The following CENPN variants were observed in gnomAD, a reference collection of about 807,000 sequenced individuals.
CENPN encodes the protein centromere protein N.
A neutral mutation model predicts 48.6 loss-of-function variants in CENPN; 36 were observed. The observed-to-expected ratio is 0.74, with a 90% CI of 0.57 to 0.98. The LOEUF (loss-of-function observed/expected upper bound fraction) is 0.98, where lower values mean the gene tolerates loss of function less well. Ranked by LOEUF, CENPN falls within the 50% of genes least tolerant of loss-of-function variation. The pLI is 0.00. For missense variants in CENPN, 439 were observed against 399.2 expected, an observed-to-expected ratio of 1.10 and a Z score of -0.85; for synonymous variants, 166 against 135.2, an observed-to-expected ratio of 1.23 and a Z score of -1.58.
At chr16:81,027,047 C>T (rs56333013) in intron 9 of CENPN, among the ~76,000 whole-genome samples, 5,403 of 152,116 alleles carry the variant, frequency 0.036, 322 homozygotes, top group African/African-American at 0.12. Context: ...TCCACCTTGC[C>T]TCGGCCTCCC....
chr16:81,028,406 G>A, intron 10 of CENPN, 109 bp downstream of exon 10: 1 of 1,489,196 alleles, frequency 6.7e-7, no homozygotes, highest in Non-Finnish European at 9.2e-7. Flanking sequence ...TAGTCTGCTA[G>A]CCCATCCTGC....
In CENPN at chr16:81,028,916, G is replaced by C. The variant is rs1970641435; in HGVS notation, c.*265G>C. 2 of 1,120,492 alleles carry C rather than the reference G, an allele frequency of 1.8e-6. No homozygotes were observed. The highest frequency in any genetic ancestry group is 4.8e-5 in the Admixed American group (1 of 20,766). The allele number at this position is 1,120,492 out of a possible 1,614,324, so 69.4% of individuals were successfully genotyped here. On this transcript the variant is annotated 3_prime_UTR_variant, in exon 11 of 11. Coordinates refer to ENST00000305850, the MANE Select transcript of CENPN (RefSeq NM_001100624.3). The stretch of plus-strand genomic sequence containing the variant: ...TATATGGCCCCACACTTGACCTTGA[G>C]TGCCTGAATGCTCTGAAATCAAGCA...
intron 1 of CENPN, among the ~76,000 whole-genome samples, chr16:81,008,588 T>C (rs1969591138): frequency 6.6e-6 from 1 of 152,148 alleles, no homozygotes; most frequent in African/African-American, 2.4e-5. Context: ...GCCTGGGTGG[T>C]CTTGAACGAC....
At chr16:81,025,949 C>T (rs1047703131) in intron 8 of CENPN, among the ~76,000 whole-genome samples, 10 of 150,860 alleles carry the variant, frequency 6.6e-5, no homozygotes, top group African/African-American at 2.2e-4. Context: ...GTGATCCTCC[C>T]GCCTCAGCCT....
chr16:81,014,691 T>C (rs1169117283), intron 3 of CENPN, among the ~76,000 whole-genome samples: 1 of 152,152 alleles, frequency 6.6e-6, no homozygotes, highest in Non-Finnish European at 1.5e-5. Flanking sequence ...GTATTCTTGT[T>C]AGGATTAAAT....
At chr16:81,010,122 C>T (rs1969680328) in intron 1 of CENPN, among the ~76,000 whole-genome samples, 1 of 152,150 alleles carries the variant, frequency 6.6e-6, no homozygotes, top group African/African-American at 2.4e-5. Flanking sequence ...TCACTTGAAC[C>T]AGGCAGGGGA....
At chr16:81,032,845 G>T (rs751236266), downstream of CENPN, 2 of 824,230 alleles carry the variant, frequency 2.4e-6, no homozygotes, top group Non-Finnish European at 3.7e-6. Flanking sequence ...AAGCTTGGAT[G>T]TGCACTGACT....
At chr16:81,032,575 G>C, downstream of CENPN, 2 of 1,583,650 alleles carry the variant, frequency 1.3e-6, no homozygotes, top group Middle Eastern at 1.7e-4. Context: ...TTTAGCACTT[G>C]TTTGCAGGAT....
intron 8 of CENPN, among the ~76,000 whole-genome samples, chr16:81,025,003 CAA>C (rs1042232907): frequency 2.0e-5 from 3 of 152,164 alleles, no homozygotes; most frequent in South Asian, 4.1e-4. Context: ...ATTACAAAAA[CAA>C]AAGTTAGCTA....
intron 9 of CENPN, 66 bp from the exon 10 acceptor site, chr16:81,028,104 TC>T: frequency 8.3e-7 from 1 of 1,209,094 alleles, no homozygotes; most frequent in Non-Finnish European, 1.2e-6. Flanking sequence ...CATTATGATT[TC>T]ATTATATTTT....
In CENPN at chr16:81,029,286, T is replaced by C; in HGVS notation, c.*635T>C. On this transcript the variant is annotated 3_prime_UTR_variant, in exon 11 of 11. Coordinates refer to ENST00000305850, the MANE Select transcript of CENPN (RefSeq NM_001100624.3). ...CATTCAAACTGACAAATATATTGAC[T>C]TATGAATAAAGGTGTCAAAAAACTG... 1 of 914,906 alleles carries C rather than the reference T, an allele frequency of 1.1e-6. No individual in the cohort carries two copies. The allele number at this position is 914,906 out of a possible 1,614,324, so 56.7% of individuals were successfully genotyped here.
At chr16:81,015,456 AAG>A (rs1969896132) in intron 3 of CENPN, among the ~76,000 whole-genome samples, 1 of 152,278 alleles carries the variant, frequency 6.6e-6, no homozygotes. Context: ...AGGATTAAAT[AAG>A]AGTACATGTT....
chr16:81,012,337 A>G (rs1325666592), intron 2 of CENPN, among the ~76,000 whole-genome samples: 1 of 152,262 alleles, frequency 6.6e-6, no homozygotes, highest in African/African-American at 2.4e-5. Context: ...TATAGTAGAA[A>G]AAACAGTACA....
chr16:81,012,115 C>G lies in CENPN; in HGVS notation c.171+5C>G. ...CACTTGATCCATCTGTGTGAGGTAA[C>G]AGTGTTAAAAATGATGAGCCTTGAA... On this transcript the variant is annotated splice_donor_5th_base_variant and intron_variant, in intron 2 of 10. Transcript: ENST00000305850. 6.2e-7 allele frequency: 1 copy of G among 1,613,392 alleles called. No individual in the cohort carries two copies. Among genetic ancestry groups the G allele is most frequent in the Non-Finnish European group, 8.5e-7 (1 of 1,179,526 alleles).
chr16:81,018,365 G>T (rs1414160144), intron 5 of CENPN, among the ~76,000 whole-genome samples: 3 of 151,852 alleles, frequency 2.0e-5, no homozygotes, highest in Non-Finnish European at 4.4e-5. Context: ...GTAGTGATGG[G>T]GTTTCTCCAT....
In CENPN at chr16:81,017,814, C is replaced by A. The variant is rs1343509037; in HGVS notation, c.334C>A (p.Leu112Ile). ...KQFKNSFKKI[L>I]QRALKNVTVS... ...ATTTAAAAATTCGTTCAAGAAAATT[C>A]TTCAGAGAGCATTAAAAAATGTAAG... Residue 112 changes from leucine (L) to isoleucine (I), a missense_variant, in exon 5 of 11, where the codon CTT (leucine) becomes ATT (isoleucine). Physicochemically the swap from Leu to Ile is conservative, Grantham distance 5. Coordinates refer to ENST00000305850, the MANE Select transcript of CENPN (RefSeq NM_001100624.3). 1.3e-6 allele frequency: 2 copies of A among 1,563,580 alleles called. No individual in the cohort carries two copies. The highest frequency in any genetic ancestry group is 2.3e-5 in the East Asian group (1 of 44,114).
intron 6 of CENPN, among the ~76,000 whole-genome samples, chr16:81,022,061 G>T (rs1033621764): frequency 6.6e-6 from 1 of 152,042 alleles, no homozygotes; most frequent in Admixed American, 6.6e-5. Context: ...GCGGACTAAT[G>T]TTCATTTCTA....
chr16:81,025,691 CTTTTTTTTTTTTT>C (rs1175806121), intron 8 of CENPN, among the ~76,000 whole-genome samples: 2 of 9,136 alleles, frequency 2.2e-4, no homozygotes, highest in Non-Finnish European at 2.3e-3. Flanking sequence ...CCCTGTCTCT[CTTTTTTTTTTTTT>C]TTTTTTTTTT....
In CENPN at chr16:81,029,544, C is replaced by T. The variant is rs2602429; in HGVS notation, c.*893C>T. The T allele has an allele frequency of 0.65, 99,065 of 151,868 alleles. 34,448 individuals are homozygous for T. Among genetic ancestry groups the T allele is most frequent in the South Asian group, 0.8 (3,836 of 4,796 alleles). The allele number at this position is 151,868 out of a possible 1,614,324, so 9.4% of individuals were successfully genotyped here. Reference sequence around the variant, plus strand: ...CCTCCCGAATAGCTGGGATTACAGACGCGCTCCATCCTGCCCAGCTAATTT... The same window carrying T: ...CCTCCCGAATAGCTGGGATTACAGATGCGCTCCATCCTGCCCAGCTAATTT... On this transcript the variant is annotated 3_prime_UTR_variant, in exon 11 of 11. Transcript: ENST00000305850.
Sources: gnomAD v4.1 joint callset for allele counts (sites outside exome capture counted in the v4.1 genomes callset) on GRCh38, gnomAD v4.1.1 for gene constraint, MANE v1.5 for transcripts, NCBI Gene and HGNC (gene_info 2026-07-23, HGNC 2026-07-21) for gene names.